The following ANK3 variants were observed in gnomAD, a reference collection of about 807,000 sequenced individuals.
ANK3 encodes ankyrin 3, also known as ankyrin-3.
ANK3 carries 57 observed loss-of-function variants against 370.9 expected under a neutral mutation model. That is an observed-to-expected ratio of 0.15 (90% CI 0.12 to 0.19). ANK3 has a LOEUF of 0.19. Ranked by LOEUF, ANK3 falls within the 10% of genes least tolerant of loss-of-function variation. The pLI, the probability that ANK3 is intolerant of heterozygous loss-of-function variation, is 1.00. For missense variants in ANK3, 4,439 were observed against 5,302.1 expected (o/e 0.84, Z 5.06); for synonymous variants, 1,929 against 1,946.3 (o/e 0.99, Z 0.23).
chr10:60,352,353 T>G (rs752327305), intron 1 of ANK3, among the ~76,000 whole-genome samples: 6 of 152,190 alleles, frequency 3.9e-5, no homozygotes, highest in Non-Finnish European at 5.9e-5. Flanking sequence ...CTTGTGATAA[T>G]AAAGTCCTTG....
Position 60,336,142 on chromosome 10 carries a change from T to C in ANK3, c.114+53283A>G, listed in dbSNP as rs574536570. ...CAGGCAAAAGTCACATTGGGGCAGG[T>C]TGGGGAGTCGAGGCCAAACTAGAGT... On this transcript the variant is annotated intron_variant, in intron 1 of 43. Coordinates refer to ENST00000280772, the MANE Select transcript of ANK3 (RefSeq NM_020987.5). 3.2e-4 allele frequency among the ~76,000 whole-genome samples: 48 copies of C among 151,492 alleles called. No homozygotes were observed. The South Asian group carries it at 8.7e-3, about 28-fold the overall frequency.
At chr10:60,249,222 TACTC>T (rs2097606001) in intron 7 of ANK3, among the ~76,000 whole-genome samples, 1 of 152,180 alleles carries the variant, frequency 6.6e-6, no homozygotes, top group Admixed American at 6.5e-5. Flanking sequence ...ATCAATTACT[TACTC>T]TACTTTGAGG....
At chr10:60,410,714 T>G (rs1326239299) in intron 2 of ANK3, among the ~76,000 whole-genome samples, 1 of 152,124 alleles carries the variant, frequency 6.6e-6, no homozygotes, top group Non-Finnish European at 1.5e-5. Context: ...TTGCCCAAGC[T>G]GGAGTGCAAT....
chr10:60,501,368 G>T (rs1201701691), intron 2 of ANK3, among the ~76,000 whole-genome samples: 2 of 152,184 alleles, frequency 1.3e-5, no homozygotes. Flanking sequence ...CCACAGTGCT[G>T]ACAAAGTGAA....
At chr10:60,533,750 T>A (rs1257566130) in intron 2 of ANK3, among the ~76,000 whole-genome samples, 1 of 152,112 alleles carries the variant, frequency 6.6e-6, no homozygotes, top group Non-Finnish European at 1.5e-5. Context: ...GAGAAGAAAG[T>A]TAAGGAAGAA....
intron 2 of ANK3, among the ~76,000 whole-genome samples, chr10:60,544,362 G>A (rs1226275416): frequency 6.6e-6 from 1 of 152,078 alleles, no homozygotes; most frequent in Admixed American, 6.6e-5. Context: ...AAGTAAAGAA[G>A]AGTAAAGAAA....
intron 1 of ANK3, among the ~76,000 whole-genome samples, chr10:60,729,923 A>G (rs1589088499): frequency 6.6e-6 from 1 of 152,166 alleles, no homozygotes; most frequent in South Asian, 2.1e-4. Flanking sequence ...TCTCACTCTC[A>G]TAGTCAAACA....
At chr10:60,733,280 C>T (rs1176274958) in exon 1 of ANK3, 9 of 1,238,226 alleles carry the variant, frequency 7.3e-6, no homozygotes, top group Non-Finnish European at 9.1e-6. Context: ...GGAGCGGAGT[C>T]CTCGGTGCCC....
At chr10:60,209,711 G>C (rs1178304821) in intron 9 of ANK3, among the ~76,000 whole-genome samples, 3 of 152,162 alleles carry the variant, frequency 2.0e-5, no homozygotes, top group Non-Finnish European at 4.4e-5. Flanking sequence ...CATATGGACT[G>C]CTTTATTCCT....
intron 1 of ANK3, among the ~76,000 whole-genome samples, chr10:60,716,144 A>C (rs1415487094): frequency 1.3e-5 from 2 of 152,050 alleles, no homozygotes; most frequent in Admixed American, 6.6e-5. Context: ...CATTAATACT[A>C]TCGCTCATAA....
At chr10:60,166,503 C>G in intron 23 of ANK3, 88 bp downstream of exon 23, 2 of 1,029,720 alleles carry the variant, frequency 1.9e-6, no homozygotes, top group Non-Finnish European at 2.9e-6. Flanking sequence ...AAGTTAGTAA[C>G]TCAAGGAAAT....
At chr10:60,400,898 A>T (rs2063340488) in intron 2 of ANK3, among the ~76,000 whole-genome samples, 1 of 152,066 alleles carries the variant, frequency 6.6e-6, no homozygotes, top group Non-Finnish European at 1.5e-5. Context: ...CAGTGTGTGA[A>T]GTGACTCTGC....
chr10:60,438,750 T>A (rs2064220305), intron 2 of ANK3, among the ~76,000 whole-genome samples: 1 of 152,234 alleles, frequency 6.6e-6, no homozygotes, highest in Admixed American at 6.5e-5. Context: ...GTGTTCTCTA[T>A]AATTTACCAT....
intron 2 of ANK3, among the ~76,000 whole-genome samples, chr10:60,407,601 C>CATTCAT (rs2063480690): frequency 6.6e-6 from 1 of 152,168 alleles, no homozygotes; most frequent in African/African-American, 2.4e-5. Context: ...TTCATTTATA[C>CATTCAT]ATTCATCAAT....
At chr10:60,270,084 C>A (rs1285959995) in intron 5 of ANK3, 47 bp downstream of exon 5, 1 of 1,290,140 alleles carries the variant, frequency 7.8e-7, no homozygotes, top group Non-Finnish European at 1.1e-6. Flanking sequence ...TTTCAAAATG[C>A]CCTATAAATA....
intron 1 of ANK3, among the ~76,000 whole-genome samples, chr10:60,380,215 T>C (rs1374840530): frequency 6.6e-6 from 1 of 152,300 alleles, no homozygotes; most frequent in South Asian, 2.1e-4. Context: ...TCCTACTATC[T>C]ACATCCCGTT....
At chr10:60,415,301 C>A (rs902117374) in intron 2 of ANK3, among the ~76,000 whole-genome samples, 1 of 152,284 alleles carries the variant, frequency 6.6e-6, no homozygotes, top group African/African-American at 2.4e-5. Context: ...AATGAGCAGA[C>A]CAGCCTGTGT....
At position 60,069,939 on chromosome 10, in the gene ANK3, C is replaced by T. The variant is rs761370414; in HGVS notation, c.10942G>A (p.Glu3648Lys). ...TSEGKSGDQGEGDKSMVTATP... is the reference protein window; with the variant it reads ...TSEGKSGDQGKGDKSMVTATP... Reference sequence around the variant, plus strand: ...GCAGTGACCATACTTTTATCCCCTTCCCCCTGGTCCCCTGACTTCCCTTCA... The same window carrying T: ...GCAGTGACCATACTTTTATCCCCTTTCCCCTGGTCCCCTGACTTCCCTTCA... The change falls in exon 37 of 44, where the codon GAA becomes AAA. Residue 3648 changes from glutamate to lysine, a missense_variant. By Grantham distance (56) the Glu-to-Lys change is moderately conservative (BLOSUM62 1). Around this residue, in one of 13 missense-constraint regions of ANK3, gnomAD observed 496 missense variants for 529.3 expected, o/e 0.94. Coordinates refer to ENST00000280772, the MANE Select transcript of ANK3 (RefSeq NM_020987.5). 1 of 1,614,070 alleles carries T rather than the reference C, an allele frequency of 6.2e-7. No homozygotes were observed. The highest frequency in any genetic ancestry group is 8.5e-7 in the Non-Finnish European group (1 of 1,179,996).
At chr10:60,523,414 C>T (rs1386915867) in intron 2 of ANK3, among the ~76,000 whole-genome samples, 5 of 130,494 alleles carry the variant, frequency 3.8e-5, no homozygotes, top group South Asian at 3.0e-4. Context: ...CAACAGTCCC[C>T]GGAGTGTGAT....
Sources: gnomAD v4.1 joint callset for allele counts (sites outside exome capture counted in the v4.1 genomes callset) on GRCh38, gnomAD v4.1.1 for gene constraint, gnomAD v4.1.1 regional missense constraint, MANE v1.5 for transcripts, NCBI Gene and HGNC (gene_info 2026-07-23, HGNC 2026-07-21) for gene names.